The following PIK3CB variants were observed in gnomAD, a reference collection of about 807,000 sequenced individuals.
PIK3CB encodes the protein phosphatidylinositol-4,5-bisphosphate 3-kinase catalytic subunit beta, also known as phosphatidylinositol 4,5-bisphosphate 3-kinase catalytic subunit beta isoform.
A neutral mutation model predicts 136.8 loss-of-function variants in PIK3CB; 39 were observed. That is an observed-to-expected ratio of 0.29 (90% CI 0.22 to 0.37). The LOEUF is 0.37. PIK3CB is among the 10% of genes least tolerant of loss of function. The pLI is 1.00. For synonymous variants in PIK3CB, 428 were observed against 436.6 expected (o/e 0.98, Z 0.25); for missense variants, 868 against 1,275.4 (o/e 0.68, Z 4.87).
intron 21 of PIK3CB, among the ~76,000 whole-genome samples, chr3:138,660,889 G>C (rs1383903877): frequency 6.6e-6 from 1 of 152,112 alleles, no homozygotes; most frequent in African/African-American, 2.4e-5. Context: ...TCACTAAAAA[G>C]CTGAATGAAA....
intron 1 of PIK3CB, among the ~76,000 whole-genome samples, chr3:138,824,786 C>T (rs112460785): frequency 0.019 from 2,881 of 151,230 alleles, 50 homozygotes; most frequent in Middle Eastern, 0.051. Context: ...CCATGACTCA[C>T]ACCTGTAATC....
chr3:138,770,957 G>A (rs2045791890), intron 2 of PIK3CB, among the ~76,000 whole-genome samples: 2 of 151,926 alleles, frequency 1.3e-5, no homozygotes, highest in Admixed American at 6.6e-5. Context: ...TGATCCACCC[G>A]CCTTAGCCTC....
intron 1 of PIK3CB, among the ~76,000 whole-genome samples, chr3:138,801,327 G>A (rs1176557546): frequency 6.6e-6 from 1 of 152,118 alleles, no homozygotes; most frequent in Non-Finnish European, 1.5e-5. Flanking sequence ...CCCATTTTAT[G>A]TTCATTGTGT....
At chr3:138,766,613 T>C (rs2045735784) in intron 2 of PIK3CB, among the ~76,000 whole-genome samples, 1 of 152,066 alleles carries the variant, frequency 6.6e-6, no homozygotes, top group Non-Finnish European at 1.5e-5. Context: ...TGCTTAAAAA[T>C]AGAAAAATCC....
rs201791982 is a variant in PIK3CB, at chr3:138,755,845, G to A, written c.306C>T (p.Val102=). 6.2e-7 allele frequency: 1 copy of A among 1,613,008 alleles called. No homozygotes were observed. Among genetic ancestry groups the A allele is most frequent in the African/African-American group, 1.3e-5 (1 of 75,000 alleles). Reference sequence around the variant, plus strand: ...ATTTGAGAACTGGAAGAAAAGGTCTGACATCACAGAGTCTTCGTGTTTCAT... The same window carrying A: ...ATTTGAGAACTGGAAGAAAAGGTCTAACATCACAGAGTCTTCGTGTTTCAT... ...LEDETRRLCD[V]RPFLPVLKLV... Residue 102 remains valine, a synonymous_variant, in exon 4 of 24, where the codon GTC becomes GTT. Coordinates refer to ENST00000674063, the MANE Select transcript of PIK3CB (RefSeq NM_006219.3).
chr3:138,676,167 A>G (rs957226405), intron 19 of PIK3CB, among the ~76,000 whole-genome samples: 1 of 152,252 alleles, frequency 6.6e-6, no homozygotes, highest in Non-Finnish European at 1.5e-5. Context: ...ATCTAAATGG[A>G]CATTTCACCA....
intron 19 of PIK3CB, among the ~76,000 whole-genome samples, chr3:138,678,671 A>G (rs1034464066): frequency 2.6e-5 from 4 of 152,156 alleles, no homozygotes; most frequent in Admixed American, 2.0e-4. Flanking sequence ...GTTAAAAATA[A>G]AAGATACAAA....
chr3:138,753,662 T>C (rs1292486035), intron 4 of PIK3CB, among the ~76,000 whole-genome samples: 1 of 152,008 alleles, frequency 6.6e-6, no homozygotes, highest in Non-Finnish European at 1.5e-5. Context: ...AAAATCTACA[T>C]GGGCATGGTG....
chr3:138,690,943 C>A, intron 15 of PIK3CB, 57 bp downstream of exon 15: 2 of 1,332,070 alleles, frequency 1.5e-6, no homozygotes, highest in South Asian at 1.4e-5. Flanking sequence ...ATATATTATG[C>A]TTGTTTATAG....
At chr3:138,726,451 G>A (rs1020103511) in intron 8 of PIK3CB, among the ~76,000 whole-genome samples, 5 of 152,152 alleles carry the variant, frequency 3.3e-5, no homozygotes, top group Admixed American at 2.6e-4. Flanking sequence ...TAATTGAAAC[G>A]GACATTCAAC....
chr3:138,745,139 A>G (rs993683346), intron 4 of PIK3CB, among the ~76,000 whole-genome samples: 23 of 152,140 alleles, frequency 1.5e-4, no homozygotes, highest in Non-Finnish European at 4.4e-5. Flanking sequence ...GACTTTCATG[A>G]TGTTCTATCC....
chr3:138,787,742 GA>G lies in PIK3CB; in HGVS notation c.-17+8720del, dbSNP rs1406602096. On this transcript the variant is annotated intron_variant, in intron 2 of 23. Coordinates refer to ENST00000674063, the MANE Select transcript of PIK3CB (RefSeq NM_006219.3). ...ATTCTTTTTTTTTTTTTTAAAGAAA[GA>G]AAAAAAAATCTAGTTTGTTTAATTG... Among the ~76,000 whole-genome samples the G allele has an allele frequency of 4.3e-5, 6 of 140,042 alleles. No homozygotes were observed. In the South Asian group the frequency reaches 1.4e-3, roughly 32 times the overall value. 91.9% of individuals were successfully genotyped at this position (140,042 alleles called of 152,430 possible). A position where few individuals can be genotyped will look rare whatever the true frequency, so the allele number is the denominator to read the frequency against.
chr3:138,700,933 C>T (rs1216124638), intron 12 of PIK3CB, among the ~76,000 whole-genome samples: 6 of 152,056 alleles, frequency 3.9e-5, no homozygotes, highest in East Asian at 1.9e-4. Context: ...TGTCAAAATA[C>T]GCCCCCACAA....
At chr3:138,723,545 G>A (rs899217778) in intron 8 of PIK3CB, among the ~76,000 whole-genome samples, 5 of 151,974 alleles carry the variant, frequency 3.3e-5, no homozygotes, top group Non-Finnish European at 5.9e-5. Flanking sequence ...GCGAGACCCC[G>A]TCTCAAAAAT....
intron 2 of PIK3CB, among the ~76,000 whole-genome samples, chr3:138,761,952 C>A (rs1284833593): frequency 2.2e-4 from 25 of 112,024 alleles, no homozygotes; most frequent in Non-Finnish European, 3.2e-4. Flanking sequence ...AAAAAAAAAA[C>A]CAACTATCTT....
At chr3:138,672,168 C>G (rs1168869435) in intron 19 of PIK3CB, among the ~76,000 whole-genome samples, 1 of 151,994 alleles carries the variant, frequency 6.6e-6, no homozygotes, top group Non-Finnish European at 1.5e-5. Context: ...CCACACTACA[C>G]AAAACTGAGG....
At chr3:138,699,479 C>A (rs373821259) in intron 12 of PIK3CB, among the ~76,000 whole-genome samples, 1 of 151,308 alleles carries the variant, frequency 6.6e-6, no homozygotes, top group Non-Finnish European at 1.5e-5. Flanking sequence ...GGTGAAAACC[C>A]GTCTTTACAA....
At chr3:138,685,420 A>G (rs112598447) in intron 16 of PIK3CB, among the ~76,000 whole-genome samples, 52 of 86,986 alleles carry the variant, frequency 6.0e-4, no homozygotes, top group East Asian at 2.6e-3. Context: ...AAAAAAAAAA[A>G]AAAGAAAGAA....
At chr3:138,733,236 A>G (rs950139187) in intron 8 of PIK3CB, 125 bp downstream of exon 8, 1 of 466,606 alleles carries the variant, frequency 2.1e-6, no homozygotes, top group African/African-American at 2.0e-5. Context: ...AAATTACCAT[A>G]TTCTATATCA....
Sources: allele counts gnomAD v4.1 joint callset (sites outside exome capture counted in the v4.1 genomes callset), GRCh38; gene constraint gnomAD v4.1.1; transcripts MANE v1.5; gene names NCBI Gene and HGNC (gene_info 2026-07-23, HGNC 2026-07-21).